GABRA3: variants seen among roughly 807,000 people sequenced by gnomAD.
The protein encoded by GABRA3 is gamma-aminobutyric acid receptor subunit alpha-3.
GABRA3 carries 10 observed loss-of-function variants against 30.1 expected under a neutral mutation model. The observed-to-expected ratio is 0.33, with a 90% CI of 0.20 to 0.56. The LOEUF (loss-of-function observed/expected upper bound fraction) is 0.56, where lower values mean the gene tolerates loss of function less well. GABRA3 is among the 20% of genes least tolerant of loss of function. The pLI is 0.89. For synonymous variants in GABRA3, 151 were observed against 146.8 expected (o/e 1.03, Z -0.21); for missense variants, 233 against 392.0 (o/e 0.59, Z 3.42).
intron 4 of GABRA3, among the ~76,000 whole-genome samples, chrX:152,269,809 G>A (rs1017099059): frequency 4.5e-5 from 5 of 111,726 alleles, no homozygotes; most frequent in East Asian, 2.8e-4. Flanking sequence ...AAATAAACTC[G>A]TCCCCTATCT....
chrX:152,297,398 C>T (rs1939549423), intron 3 of GABRA3, among the ~76,000 whole-genome samples: 2 of 112,147 alleles, frequency 1.8e-5, no homozygotes, highest in Non-Finnish European at 3.8e-5. Context: ...CTCAGTTTGA[C>T]ATTTAATACT....
chrX:152,361,492 G>A (rs1321996196), intron 2 of GABRA3, among the ~76,000 whole-genome samples: 1 of 103,673 alleles, frequency 9.6e-6, no homozygotes, highest in Non-Finnish European at 1.9e-5. Context: ...AGAATGGCTT[G>A]AACCCAGGAC....
chrX:152,379,738 C>T (rs1228391724), intron 1 of GABRA3, among the ~76,000 whole-genome samples: 1 of 111,680 alleles, frequency 9.0e-6, no homozygotes, highest in African/African-American at 3.3e-5. Context: ...AAACAATAGC[C>T]TCTTGAAGTT....
chrX:152,351,902 G>A (rs899069279), intron 2 of GABRA3, among the ~76,000 whole-genome samples: 1 of 111,383 alleles, frequency 9.0e-6, no homozygotes, highest in African/African-American at 3.3e-5. Flanking sequence ...AAGGCCTAAG[G>A]AGAGGGAGAG....
intron 3 of GABRA3, among the ~76,000 whole-genome samples, chrX:152,310,732 C>A (rs559152530): frequency 2.7e-5 from 3 of 109,545 alleles, no homozygotes; most frequent in African/African-American, 9.9e-5. Flanking sequence ...TGAAGAAAAT[C>A]GAGATTAAAA....
At chrX:152,373,545 T>G (rs957899020) in intron 1 of GABRA3, among the ~76,000 whole-genome samples, 2 of 111,795 alleles carry the variant, frequency 1.8e-5, no homozygotes, top group Non-Finnish European at 3.8e-5. Flanking sequence ...TGCCAACATC[T>G]ATTGTTTCTT....
chrX:152,422,427 A>C (rs1930397078), intron 1 of GABRA3, among the ~76,000 whole-genome samples: 1 of 111,179 alleles, frequency 9.0e-6, no homozygotes, highest in Admixed American at 9.6e-5. Context: ...AGAAAGACAT[A>C]AAGAGATGGT....
chrX:152,379,360 C>G (rs1929079400), intron 1 of GABRA3, among the ~76,000 whole-genome samples: 2 of 111,172 alleles, frequency 1.8e-5, no homozygotes, highest in Non-Finnish European at 3.8e-5. Flanking sequence ...TTCTAAATAA[C>G]TCATGGTGAA....
intron 2 of GABRA3, among the ~76,000 whole-genome samples, chrX:152,353,537 C>A (rs965299579): frequency 2.7e-5 from 3 of 111,593 alleles, no homozygotes; most frequent in Non-Finnish European, 3.8e-5. Flanking sequence ...ATTTTGGCAA[C>A]GTTTCTGGTT....
chrX:152,168,158 C>G lies in GABRA3; in HGVS notation c.*70G>C. The G allele has an allele frequency of 1.1e-6, 1 of 880,350 alleles. No homozygotes were observed. Among genetic ancestry groups the G allele is most frequent in the Non-Finnish European group, 1.7e-6 (1 of 606,045 alleles). The allele number at this position is 880,350 out of a possible 1,213,427, so 72.6% of individuals were successfully genotyped here. A position where few individuals can be genotyped will look rare whatever the true frequency, so the allele number is the denominator to read the frequency against. ...GAATCCTGAAATACGCGAAGGGGAG[C>G]CCCGGGGTTTGGGTGCCTGGATGCT... On this transcript the variant is annotated 3_prime_UTR_variant, in exon 10 of 10. Transcript: ENST00000370314.
At chrX:152,262,409 C>T (rs1392458345) in intron 4 of GABRA3, among the ~76,000 whole-genome samples, 1 of 112,245 alleles carries the variant, frequency 8.9e-6, no homozygotes, top group Non-Finnish European at 1.9e-5. Flanking sequence ...TATGCTCTGT[C>T]ACCTCTTGAA....
chrX:152,423,656 G>A (rs1330235259), intron 1 of GABRA3, among the ~76,000 whole-genome samples: 2 of 111,367 alleles, frequency 1.8e-5, no homozygotes, highest in Non-Finnish European at 3.8e-5. Context: ...ACACTTCTCT[G>A]TAACAAAAAA....
At chrX:152,226,473 C>T (rs972692172) in intron 5 of GABRA3, among the ~76,000 whole-genome samples, 23 of 111,349 alleles carry the variant, frequency 2.1e-4, no homozygotes, top group Non-Finnish European at 2.8e-4. Context: ...TAGGCATGGG[C>T]AAGGACTTCA....
At chrX:152,200,831 T>C (rs1937473982) in intron 7 of GABRA3, among the ~76,000 whole-genome samples, 1 of 112,780 alleles carries the variant, frequency 8.9e-6, no homozygotes. Context: ...TTGTTTTGAA[T>C]AACTGACTCA....
At chrX:152,231,270 CGT>C (rs760161495) in intron 5 of GABRA3, among the ~76,000 whole-genome samples, 122 of 100,091 alleles carry the variant, frequency 1.2e-3, no homozygotes, top group African/African-American at 3.9e-3. Flanking sequence ...TATATATACA[CGT>C]ATATATGTAT....
intron 2 of GABRA3, among the ~76,000 whole-genome samples, chrX:152,353,578 C>G (rs973923489): frequency 9.0e-6 from 1 of 111,329 alleles, no homozygotes; most frequent in African/African-American, 3.3e-5. Flanking sequence ...ACCTGAGAAC[C>G]ATTTATAACA....
intron 1 of GABRA3, among the ~76,000 whole-genome samples, chrX:152,412,824 T>C (rs185451188): frequency 9.0e-6 from 1 of 111,359 alleles, no homozygotes; most frequent in East Asian, 2.8e-4. Context: ...TAAATGTCAC[T>C]GAAACGTACA....
Position 152,403,569 on chromosome X carries a change from C to CGTGTGT in GABRA3, c.-26-38979_-26-38974dup, listed in dbSNP as rs35576596. 7.8e-4 allele frequency among the ~76,000 whole-genome samples: 79 copies of CGTGTGT among 100,788 alleles called. 1 individual carries two copies. The highest frequency in any genetic ancestry group is 0.01 in the Middle Eastern group (2 of 197). 87.5% of individuals were successfully genotyped at this position (100,788 alleles called of 115,157 possible). A position where few individuals can be genotyped will look rare whatever the true frequency, so the allele number is the denominator to read the frequency against. The stretch of plus-strand genomic sequence containing the variant: ...GTGCACACGTGTGTGTATGTGCACA[C>CGTGTGT]GTGTGTGTGTGTGTGTGTGTGTGTT... On this transcript the variant is annotated intron_variant, in intron 1 of 9. Transcript: ENST00000370314.
chrX:152,295,174 G>A (rs761949160), intron 3 of GABRA3, among the ~76,000 whole-genome samples: 7 of 112,531 alleles, frequency 6.2e-5, no homozygotes, highest in Non-Finnish European at 1.3e-4. Flanking sequence ...TGAGGAGGCA[G>A]TCTGTCCATT....
Sources: allele counts gnomAD v4.1 joint callset (sites outside exome capture counted in the v4.1 genomes callset), GRCh38; gene constraint gnomAD v4.1.1; transcripts MANE v1.5; gene names NCBI Gene and HGNC (gene_info 2026-07-23, HGNC 2026-07-21).